Variants in CFAP54 observed in about 807,000 individuals in gnomAD.
CFAP54 encodes cilia and flagella associated protein 54, also known as cilia- and flagella-associated protein 54.
In CFAP54, 290 loss-of-function variants were observed where a neutral mutation model predicts 370.4. That is an observed-to-expected ratio of 0.78 (90% CI 0.71 to 0.86). CFAP54 has a LOEUF of 0.86. Ranked by LOEUF, CFAP54 falls within the 40% of genes least tolerant of loss-of-function variation. The pLI is 0.00. For missense variants in CFAP54, 3,399 were observed against 3,528.7 expected, an observed-to-expected ratio of 0.96 and a Z score of 0.93; for synonymous variants, 1,206 against 1,236.5, an observed-to-expected ratio of 0.98 and a Z score of 0.52.
rs1233352132 is a variant in CFAP54, at chr12:96,580,673, C to T, written c.2873C>T (p.Pro958Leu). 1 of 1,521,230 alleles carries T rather than the reference C, an allele frequency of 6.6e-7. No homozygotes were observed. The highest frequency in any genetic ancestry group is 1.2e-5 in the South Asian group (1 of 82,028). 94.2% of individuals were successfully genotyped at this position (1,521,230 alleles called of 1,614,324 possible). The change falls in exon 21 of 68, where the codon CCA becomes CTA. Residue 958 changes from proline to leucine, a missense_variant. Physicochemically the swap from Pro to Leu is moderately conservative, Grantham distance 98. Coordinates refer to ENST00000524981, the MANE Select transcript of CFAP54 (RefSeq NM_001306084.2). Reference sequence around the variant, plus strand: ...GTACGGCTAAACAATAATCATCTCCCAAATTCAGGAGAAGCGGTACGTCAA... The same window carrying T: ...GTACGGCTAAACAATAATCATCTCCTAAATTCAGGAGAAGCGGTACGTCAA... ...GKVRLNNNHL[P>L]NSGEAIPADG...
At chr12:96,625,358 G>A (rs80343787) in intron 28 of CFAP54, among the ~76,000 whole-genome samples, 2 of 152,224 alleles carry the variant, frequency 1.3e-5, no homozygotes, top group Non-Finnish European at 2.9e-5. Flanking sequence ...ATACTTTACT[G>A]CCTTTTAAAG....
At chr12:96,708,531 C>A in intron 47 of CFAP54, 77 bp from the exon 48 acceptor site, 1 of 1,304,338 alleles carries the variant, frequency 7.7e-7, no homozygotes, top group Non-Finnish European at 1.1e-6. Context: ...CAAATGTGAA[C>A]TGCAAAAGAA....
At chr12:96,844,241 G>T (rs1215816203) in intron 66 of CFAP54, among the ~76,000 whole-genome samples, 1 of 152,088 alleles carries the variant, frequency 6.6e-6, no homozygotes, top group Non-Finnish European at 1.5e-5. Context: ...AGATGATCCA[G>T]GTGATCTCTA....
chr12:96,794,925 G>T (rs1958743620), intron 63 of CFAP54, among the ~76,000 whole-genome samples: 1 of 152,170 alleles, frequency 6.6e-6, no homozygotes, highest in Non-Finnish European at 1.5e-5. Context: ...TTTGTCCCAT[G>T]GGGTGCTCCG....
chr12:96,762,172 TG>T (rs1958346806), intron 58 of CFAP54, among the ~76,000 whole-genome samples: 1 of 152,228 alleles, frequency 6.6e-6, no homozygotes. Flanking sequence ...TTATTTCTAT[TG>T]TCAAAGGGAT....
intron 50 of CFAP54, among the ~76,000 whole-genome samples, chr12:96,730,016 C>CGGTCCAGTCTTCTCTTTTTCT (rs1555309717): frequency 4.6e-5 from 7 of 152,080 alleles, no homozygotes; most frequent in Non-Finnish European, 4.4e-5. Context: ...AGTAGGAGCC[C>CGGTCCAGTCTTCTCTTTTTCT]GGTCCAGTCT....
At chr12:96,768,575 A>G (rs1958425284) in intron 60 of CFAP54, among the ~76,000 whole-genome samples, 1 of 151,628 alleles carries the variant, frequency 6.6e-6, no homozygotes, top group South Asian at 2.1e-4. Context: ...AATGGATTGA[A>G]CCTGGGAGGC....
At chr12:96,697,931 C>T in intron 45 of CFAP54, among the ~76,000 whole-genome samples, 1 of 152,182 alleles carries the variant, frequency 6.6e-6, no homozygotes, top group Non-Finnish European at 1.5e-5. Context: ...TGACCTCCTC[C>T]CCTTGCTCCC....
Position 96,743,402 on chromosome 12 carries a change from A to C in CFAP54, c.7220A>C (p.Glu2407Ala), listed in dbSNP as rs575632401. 7 of 1,612,084 alleles carry C rather than the reference A, an allele frequency of 4.3e-6. No homozygotes were observed. In the African/African-American group the frequency reaches 9.3e-5, roughly 22 times the overall value. ...AAATAACCGCATTTGTTTATTTTAG[A>C]GGATGATATGACAGATTGCCTGAGC... ...AQIHGIGIVK[E>A]DDMTDCLSLI... Residue 2407 changes from glutamate (E) to alanine (A), a missense_variant and splice_region_variant, in exon 53 of 68, where the codon GAG (glutamate) becomes GCG (alanine). Glu to Ala is a moderately radical substitution (Grantham distance 107). This residue lies in a region of CFAP54 where 2,796 missense variants were observed against 2,869.7 expected (regional missense o/e 0.97). Transcript: ENST00000524981.
At chr12:96,724,503 G>T (rs1957803916) in intron 50 of CFAP54, among the ~76,000 whole-genome samples, 4 of 152,140 alleles carry the variant, frequency 2.6e-5, no homozygotes, top group Admixed American at 6.5e-5. Context: ...CATATCCTTT[G>T]CCCATTTTTG....
chr12:96,826,960 A>G (rs1442261413), intron 65 of CFAP54, among the ~76,000 whole-genome samples: 15 of 129,248 alleles, frequency 1.2e-4, no homozygotes, highest in African/African-American at 4.5e-4. Context: ...TATATATAAT[A>G]TGCAATTATA....
chr12:96,506,378 G>A (rs1172424848), intron 3 of CFAP54, among the ~76,000 whole-genome samples: 1 of 150,418 alleles, frequency 6.6e-6, no homozygotes, highest in Non-Finnish European at 1.5e-5. Context: ...TGTATTTTTG[G>A]TAATAGGATT....
chr12:96,792,464 C>T lies in CFAP54; in HGVS notation c.8815C>T (p.Pro2939Ser), dbSNP rs12582405. ...KELCFQWYIP[P>S]LDRPPKETEP... The stretch of plus-strand genomic sequence containing the variant: ...ACTTTGCTTTCAATGGTACATTCCT[C>T]CCCTGGATAGACCTCCCAAGGAGAC... The change falls in exon 63 of 68, where the codon CCC becomes TCC. Residue 2939 changes from proline (P) to serine (S), a missense_variant. Pro to Ser is a moderately conservative substitution (Grantham distance 74). This residue lies in a region of CFAP54 where 2,796 missense variants were observed against 2,869.7 expected (regional missense o/e 0.97). Transcript: ENST00000524981. The T allele has an allele frequency of 6.5e-7, 1 of 1,535,756 alleles. No homozygotes were observed. The highest frequency in any genetic ancestry group is 8.7e-7 in the Non-Finnish European group (1 of 1,146,692).
intron 66 of CFAP54, among the ~76,000 whole-genome samples, chr12:96,844,600 AG>A (rs1359408444): frequency 6.6e-6 from 1 of 152,202 alleles, no homozygotes; most frequent in Non-Finnish European, 1.5e-5. Flanking sequence ...TGAATACATA[AG>A]TACATTCTGA....
At chr12:96,770,969 G>C (rs1369484620) in intron 60 of CFAP54, among the ~76,000 whole-genome samples, 1 of 152,208 alleles carries the variant, frequency 6.6e-6, no homozygotes, top group African/African-American at 2.4e-5. Flanking sequence ...GGATGGAGTT[G>C]ACATGAGTGA....
chr12:96,641,942 G>GTT (rs199869409), intron 32 of CFAP54, among the ~76,000 whole-genome samples: 1 of 148,606 alleles, frequency 6.7e-6, no homozygotes, highest in Admixed American at 6.8e-5. Flanking sequence ...GTGGTGCGGG[G>GTT]GGGGAGGGAT....
At chr12:96,827,913 GTAATA>G (rs1486719252) in intron 65 of CFAP54, among the ~76,000 whole-genome samples, 3 of 99,778 alleles carry the variant, frequency 3.0e-5, no homozygotes, top group Non-Finnish European at 5.6e-5. Context: ...ATAATACATA[GTAATA>G]TATTATATTA....
At chr12:96,672,347 A>G (rs1434884079) in intron 39 of CFAP54, among the ~76,000 whole-genome samples, 2 of 152,150 alleles carry the variant, frequency 1.3e-5, no homozygotes, top group African/African-American at 4.8e-5. Context: ...GGAAGTGTGT[A>G]GGTGGTAAAG....
In CFAP54 at chr12:96,748,616, T is replaced by G. The variant is rs538266933; in HGVS notation, c.7684+4470T>G. 1.4e-4 allele frequency among the ~76,000 whole-genome samples: 22 copies of G among 152,344 alleles called. 1 individual carries two copies. The highest frequency in any genetic ancestry group is 5.0e-4 in the African/African-American group (21 of 41,588). On this transcript the variant is annotated intron_variant, in intron 55 of 67. Transcript: ENST00000524981. ...GGTGAATGATGTGCTCCCAGCTCAGTAGCAGAATCTTTGGGTGTGGCTGTT... is the reference window on the plus strand; with the variant it reads ...GGTGAATGATGTGCTCCCAGCTCAGGAGCAGAATCTTTGGGTGTGGCTGTT...
Sources: allele counts gnomAD v4.1 joint callset (sites outside exome capture counted in the v4.1 genomes callset), GRCh38; gene constraint gnomAD v4.1.1; regional missense constraint gnomAD v4.1.1; transcripts MANE v1.5; gene names NCBI Gene and HGNC (gene_info 2026-07-23, HGNC 2026-07-21).